WWOX: variants seen among roughly 807,000 people sequenced by gnomAD.
WWOX encodes the protein WW domain-containing oxidoreductase.
WWOX carries 69 observed loss-of-function variants against 46.2 expected under a neutral mutation model. The observed-to-expected ratio is 1.49, with a 90% CI of 1.23 to 1.82. The LOEUF (loss-of-function observed/expected upper bound fraction) is 1.82, where lower values mean the gene tolerates loss of function less well. Ranked by LOEUF, WWOX falls within the 40% of genes most tolerant of loss-of-function variation. WWOX has a pLI of 0.00. For missense variants in WWOX, 919 were observed against 542.6 expected (o/e 1.69, Z -6.89); for synonymous variants, 359 against 202.6 (o/e 1.77, Z -6.56).
chr16:78,829,523 A>G (rs557808668), intron 8 of WWOX, among the ~76,000 whole-genome samples: 5 of 152,304 alleles, frequency 3.3e-5, no homozygotes, highest in Non-Finnish European at 4.4e-5. Flanking sequence ...ATATCTGGGC[A>G]CTGTGTGGCC....
At chr16:78,661,827 A>G (rs958691544) in intron 8 of WWOX, among the ~76,000 whole-genome samples, 2 of 152,240 alleles carry the variant, frequency 1.3e-5, no homozygotes, top group African/African-American at 2.4e-5. Context: ...GCCTGAGTCC[A>G]GGAGTTAGAG....
rs534570460 is a variant in WWOX at position 78,945,456 on chromosome 16, A to G, written c.1057-266152A>G. On this transcript the variant is annotated intron_variant, in intron 8 of 8. Transcript: ENST00000566780. ...ATCAAAATCAGGTTTGAAAGTCTGTACTGTAACTAAAAAAGTTTTGGGGTT... is the reference window on the plus strand; with the variant it reads ...ATCAAAATCAGGTTTGAAAGTCTGTGCTGTAACTAAAAAAGTTTTGGGGTT... 8.5e-5 allele frequency among the ~76,000 whole-genome samples: 13 copies of G among 152,336 alleles called. 1 individual carries two copies. Among genetic ancestry groups the G allele is most frequent in the African/African-American group, 2.6e-4 (11 of 41,586 alleles).
At chr16:78,822,320 G>A (rs946692223) in intron 8 of WWOX, among the ~76,000 whole-genome samples, 1 of 151,956 alleles carries the variant, frequency 6.6e-6, no homozygotes. Flanking sequence ...ATGACGAAAC[G>A]CCATCTCTAC....
chr16:78,420,013 A>G (rs1813585516), intron 6 of WWOX, among the ~76,000 whole-genome samples: 1 of 152,202 alleles, frequency 6.6e-6, no homozygotes, highest in South Asian at 2.1e-4. Context: ...CAAATTGCCA[A>G]TGAATACATA....
At chr16:78,114,438 C>A (rs2032665003) in intron 3 of WWOX, among the ~76,000 whole-genome samples, 1 of 152,154 alleles carries the variant, frequency 6.6e-6, no homozygotes, top group African/African-American at 2.4e-5. Context: ...AGATTTAGAT[C>A]AATTCCAAAT....
chr16:78,531,721 G>A (rs1224634102), intron 8 of WWOX, among the ~76,000 whole-genome samples: 1 of 151,984 alleles, frequency 6.6e-6, no homozygotes, highest in Non-Finnish European at 1.5e-5. Context: ...ATTCGGTTTA[G>A]GTGATGTGTG....
chr16:79,105,099 C>G (rs1315526818), intron 8 of WWOX, among the ~76,000 whole-genome samples: 1 of 152,158 alleles, frequency 6.6e-6, no homozygotes, highest in Non-Finnish European at 1.5e-5. Flanking sequence ...AGGGACGCAG[C>G]CCCTCACCTG....
At chr16:78,618,687 G>T (rs2046091105) in intron 8 of WWOX, among the ~76,000 whole-genome samples, 2 of 152,018 alleles carry the variant, frequency 1.3e-5, no homozygotes, top group South Asian at 4.1e-4. Flanking sequence ...TGATCCGGGG[G>T]AATAAAGCTA....
intron 8 of WWOX, chr16:78,872,601 G>A (rs969546907): frequency 6.6e-6 from 1 of 152,118 alleles, no homozygotes; most frequent in African/African-American, 2.4e-5. Context: ...GCACATGGTA[G>A]GAATTCAGTA....
chr16:78,365,641 C>T (rs1214049361), intron 5 of WWOX, among the ~76,000 whole-genome samples: 1 of 152,210 alleles, frequency 6.6e-6, no homozygotes, highest in Non-Finnish European at 1.5e-5. Context: ...TGCCTACCAC[C>T]TTGTATCTAC....
At chr16:78,932,179 TC>T (rs1413136199) in intron 8 of WWOX, among the ~76,000 whole-genome samples, 3 of 152,202 alleles carry the variant, frequency 2.0e-5, no homozygotes, top group African/African-American at 7.2e-5. Flanking sequence ...GGGGCTTGAC[TC>T]CCAGTCCTTC....
At chr16:78,465,960 A>G (rs1229205334) in intron 8 of WWOX, among the ~76,000 whole-genome samples, 1 of 152,204 alleles carries the variant, frequency 6.6e-6, no homozygotes, top group Middle Eastern at 3.2e-3. Flanking sequence ...CAGAATACGC[A>G]TCGGTGGTTT....
intron 5 of WWOX, among the ~76,000 whole-genome samples, chr16:78,321,071 A>G (rs1303452608): frequency 6.6e-6 from 1 of 152,228 alleles, no homozygotes; most frequent in Non-Finnish European, 1.5e-5. Context: ...AGTGCTGCTA[A>G]AAACAGCCTG....
At chr16:79,081,289 A>G (rs2048755706) in intron 8 of WWOX, among the ~76,000 whole-genome samples, 1 of 152,080 alleles carries the variant, frequency 6.6e-6, no homozygotes, top group Admixed American at 6.5e-5. Flanking sequence ...TCAGCCTCCT[A>G]GGGAGCTGGG....
intron 8 of WWOX, among the ~76,000 whole-genome samples, chr16:78,613,369 C>T (rs1040484886): frequency 6.6e-6 from 1 of 152,162 alleles, no homozygotes; most frequent in African/African-American, 2.4e-5. Flanking sequence ...ACTTGGTCAT[C>T]TGGACCCTGG....
intron 8 of WWOX, among the ~76,000 whole-genome samples, chr16:78,809,835 C>A (rs184194336): frequency 8.5e-5 from 13 of 152,256 alleles, no homozygotes; most frequent in Admixed American, 5.9e-4. Context: ...TCACTGTTCC[C>A]AGGGGATGAT....
chr16:79,144,469 T>A (rs961109979), intron 8 of WWOX, among the ~76,000 whole-genome samples: 1 of 152,220 alleles, frequency 6.6e-6, no homozygotes, highest in East Asian at 1.9e-4. Context: ...GGGATAATAA[T>A]GTCCATGAAA....
intron 8 of WWOX, among the ~76,000 whole-genome samples, chr16:78,851,444 A>C (rs189969156): frequency 1.3e-5 from 2 of 152,232 alleles, no homozygotes; most frequent in African/African-American, 2.4e-5. Flanking sequence ...TTAATTGGCA[A>C]ATGATTAAAG....
chr16:79,009,764 C>G (rs1156669698), intron 8 of WWOX, among the ~76,000 whole-genome samples: 2 of 152,034 alleles, frequency 1.3e-5, no homozygotes, highest in Non-Finnish European at 2.9e-5. Flanking sequence ...ATCAAATTTT[C>G]AAAGGAAGAA....
Sources: allele counts gnomAD v4.1 joint callset (sites outside exome capture counted in the v4.1 genomes callset), GRCh38; gene constraint gnomAD v4.1.1; transcripts MANE v1.5; gene names NCBI Gene and HGNC (gene_info 2026-07-23, HGNC 2026-07-21).